Variants in NUP85 observed in about 807,000 individuals in gnomAD.
The protein encoded by NUP85 is nucleoporin 85, also known as nuclear pore complex protein Nup85.
Under a neutral mutation model 92.8 loss-of-function variants are expected in NUP85, and 23 were observed. The observed-to-expected ratio is 0.25, with a 90% CI of 0.18 to 0.35. The LOEUF is 0.35. Ranked by LOEUF, NUP85 falls within the 10% of genes least tolerant of loss-of-function variation. The pLI is 1.00. For synonymous variants in NUP85, 314 were observed against 306.9 expected (o/e 1.02, Z -0.24); for missense variants, 759 against 822.8 (o/e 0.92, Z 0.95).
chr17:75,235,189 C>G lies in NUP85; in HGVS notation c.1857C>G (p.Thr619=), dbSNP rs142085095. 2 of 1,612,612 alleles carry G rather than the reference C, an allele frequency of 1.2e-6. No individual in the cohort carries two copies. The highest frequency in any genetic ancestry group is 1.3e-5 in the African/African-American group (1 of 74,814). Residue 619 remains threonine (T), a synonymous_variant, in exon 18 of 19, where the codon ACC becomes ACG. Coordinates refer to ENST00000245544, the MANE Select transcript of NUP85 (RefSeq NM_024844.5). ...SRRPVHGESD[T]EQLQDDDIET... ...GACCTGTGCATGGAGAATCTGATAC[C>G]GAGCAGCTCCAGGTCATTTTCACTT...
rs1268932804 is a variant in NUP85 at position 75,225,436 on chromosome 17, C to G, written c.827C>G (p.Thr276Ser). 6.8e-6 allele frequency: 11 copies of G among 1,613,998 alleles called. No individual in the cohort carries two copies. In the South Asian group the frequency reaches 1.1e-4, roughly 16 times the overall value. The change falls in exon 9 of 19, where the codon ACC becomes AGC. Residue 276 changes from threonine to serine, a missense_variant. Coordinates refer to ENST00000245544, the MANE Select transcript of NUP85 (RefSeq NM_024844.5). ...ERYLQDSTFA[T>S]SPHLESLLKI... is the part of the protein sequence containing the mutation. ...TACCTCCAGGACAGCACATTCGCCACCAGCCCTCACCTGGAGTCTCTCTTG... is the reference window on the plus strand; with the variant it reads ...TACCTCCAGGACAGCACATTCGCCAGCAGCCCTCACCTGGAGTCTCTCTTG...
chr17:75,211,083 G>A lies in NUP85; in HGVS notation c.291-909G>A, dbSNP rs555178300. Reference sequence around the variant, plus strand: ...AGTGGCGCAATCTTGGCCCACTGCAGCCTCTGCCTCCTGGGTTGAAGCCAT... The same window carrying A: ...AGTGGCGCAATCTTGGCCCACTGCAACCTCTGCCTCCTGGGTTGAAGCCAT... On this transcript the variant is annotated intron_variant, in intron 3 of 18. Transcript: ENST00000245544. 1.3e-3 allele frequency among the ~76,000 whole-genome samples: 176 copies of A among 138,740 alleles called. 2 individuals are homozygous for A. Among genetic ancestry groups the A allele is most frequent in the South Asian group, 7.1e-4 (3 of 4,246 alleles). 91.0% of individuals were successfully genotyped at this position (138,740 alleles called of 152,430 possible).
intron 11 of NUP85, among the ~76,000 whole-genome samples, chr17:75,230,722 T>C (rs11077780): frequency 0.74 from 112,809 of 152,092 alleles, 42,365 homozygotes; most frequent in East Asian, 0.87. Flanking sequence ...TCACCTCACA[T>C]AGTGACCCTT....
chr17:75,207,602 C>T (rs966542144), intron 1 of NUP85, among the ~76,000 whole-genome samples: 1 of 151,974 alleles, frequency 6.6e-6, no homozygotes. Context: ...GCCTCAGTCT[C>T]CTGAGTAGCT....
chr17:75,234,646 G>T lies in NUP85; in HGVS notation c.1625G>T (p.Arg542Leu). 6.2e-7 allele frequency: 1 copy of T among 1,614,108 alleles called. No individual in the cohort carries two copies. ...TCTTGTTTCGCCATAGGAAAGTATC[G>T]CGAGTTCCACCGTATGTACGGGGAG... is the stretch of plus-strand genomic sequence containing the variant. ...SDRLTFLGKY[R>L]EFHRMYGEKR... Residue 542 changes from arginine to leucine, a missense_variant, in exon 17 of 19, where the codon CGC (arginine) becomes CTC (leucine). By Grantham distance (102) the Arg-to-Leu change is moderately radical (BLOSUM62 -2). Transcript: ENST00000245544.
intron 16 of NUP85, among the ~76,000 whole-genome samples, chr17:75,233,469 C>T (rs8076030): frequency 0.79 from 106,852 of 135,174 alleles, 42,286 homozygotes; most frequent in East Asian, 0.88. Context: ...GAATCTTACT[C>T]GCTCTGTGGC....
intron 17 of NUP85, 75 bp downstream of exon 17, chr17:75,234,863 T>TG: frequency 6.4e-7 from 1 of 1,558,502 alleles, no homozygotes; most frequent in Non-Finnish European, 8.8e-7. Flanking sequence ...CTGTTGCCGA[T>TG]GTGCGTGTTT....
intron 7 of NUP85, among the ~76,000 whole-genome samples, chr17:75,220,481 C>G (rs1170069691): frequency 2.6e-5 from 4 of 151,618 alleles, no homozygotes; most frequent in Admixed American, 2.6e-4. Context: ...TGCACAATCA[C>G]CAGTCACTGT....
chr17:75,230,832 A>G (rs903637459), intron 11 of NUP85, among the ~76,000 whole-genome samples: 2 of 151,994 alleles, frequency 1.3e-5, no homozygotes, highest in African/African-American at 4.8e-5. Flanking sequence ...AGGCATGAGA[A>G]TTGCTTGAAC....
chr17:75,230,053 T>TTC (rs1346466736), intron 11 of NUP85, among the ~76,000 whole-genome samples: 1 of 151,460 alleles, frequency 6.6e-6, no homozygotes, highest in African/African-American at 2.4e-5. Context: ...AATTTTTTTT[T>TTC]TTTTTTTGGA....
chr17:75,218,051 T>C lies in NUP85; in HGVS notation c.476-134T>C, dbSNP rs986923355. The C allele has an allele frequency of 1.4e-5, 15 of 1,096,274 alleles. No individual in the cohort carries two copies. In the African/African-American group the frequency reaches 1.4e-4, roughly 10 times the overall value. 67.9% of individuals were successfully genotyped at this position (1,096,274 alleles called of 1,614,324 possible). A position where few individuals can be genotyped will look rare whatever the true frequency, so the allele number is the denominator to read the frequency against. On this transcript the variant is annotated intron_variant, in intron 6 of 18. Transcript: ENST00000245544. ...TAGCACAGTCTGTCATTCAGGACCA[T>C]GTGTGTGACTGCTTAAAAGGGATAA...
chr17:75,216,768 G>T (rs903925440), intron 6 of NUP85, among the ~76,000 whole-genome samples: 36 of 152,180 alleles, frequency 2.4e-4, no homozygotes, highest in African/African-American at 8.2e-4. Flanking sequence ...AGAGTTGGTT[G>T]TTCAGAGGCC....
At chr17:75,225,309 G>A (rs1321390508) in intron 8 of NUP85, 33 bp from the exon 9 acceptor site, 2 of 1,613,892 alleles carry the variant, frequency 1.2e-6, no homozygotes, top group Non-Finnish European at 8.5e-7. Flanking sequence ...GGGTGTGGAT[G>A]GGATGACGTC....
At chr17:75,227,337 T>G (rs1295276954) in intron 11 of NUP85, among the ~76,000 whole-genome samples, 16 of 146,958 alleles carry the variant, frequency 1.1e-4, no homozygotes, top group Admixed American at 2.7e-4. Context: ...TTTTTTTTTT[T>G]TTTTTTTTTT....
At chr17:75,209,093 A>G (rs1354566142) in intron 2 of NUP85, among the ~76,000 whole-genome samples, 1 of 152,172 alleles carries the variant, frequency 6.6e-6, no homozygotes, top group Non-Finnish European at 1.5e-5. Context: ...AATAGTTTTC[A>G]TGAAAAATTT....
In NUP85 at chr17:75,212,475, T is replaced by G. The variant is rs1430193946; in HGVS notation, c.361+413T>G. On this transcript the variant is annotated intron_variant, in intron 4 of 18. Transcript: ENST00000245544. The stretch of plus-strand genomic sequence containing the variant: ...GTCAGCCACTGTGCCTGGAGTTTTT[T>G]TTTTTTTTTTTTTTTTTTTTTGAGA... Among the ~76,000 whole-genome samples, 9 of 3,412 alleles carry G rather than the reference T, an allele frequency of 2.6e-3. No homozygotes were observed. The Non-Finnish European group carries it at 0.1, about 38-fold the overall frequency. The allele number at this position is 3,412 out of a possible 152,430, so 2.2% of individuals were successfully genotyped here.
At chr17:75,213,741 A>G (rs186422763) in intron 5 of NUP85, among the ~76,000 whole-genome samples, 185 of 151,848 alleles carry the variant, frequency 1.2e-3, no homozygotes, top group African/African-American at 4.3e-3. Flanking sequence ...TTTTTGAAAG[A>G]CAGGGTCTCT....
chr17:75,234,303 C>T (rs1203082513), intron 16 of NUP85, among the ~76,000 whole-genome samples: 2 of 152,136 alleles, frequency 1.3e-5, no homozygotes, highest in Non-Finnish European at 2.9e-5. Flanking sequence ...CCACCTGACT[C>T]GGCCTCCCAA....
At position 75,232,899 on chromosome 17, in the gene NUP85, G is replaced by A. The variant is rs142787021; in HGVS notation, c.1445G>A (p.Arg482His). ...GCCATGAAAGCCGTCCGCAACAATC[G>A]CCTGGGTTCTGCCCTCTCTTGGAGC... ...ILAMKAVRNN[R>H]LGSALSWSIR... The change falls in exon 15 of 19, where the codon CGC becomes CAC. Residue 482 changes from arginine to histidine, a missense_variant. Physicochemically the swap from Arg to His is conservative, Grantham distance 29. Transcript: ENST00000245544. The A allele has an allele frequency of 2.1e-4, 341 of 1,614,104 alleles. No homozygotes were observed. Among genetic ancestry groups the A allele is most frequent in the Non-Finnish European group, 2.6e-4 (311 of 1,180,052 alleles).
Sources: allele counts gnomAD v4.1 joint callset (sites outside exome capture counted in the v4.1 genomes callset), GRCh38; gene constraint gnomAD v4.1.1; transcripts MANE v1.5; gene names NCBI Gene and HGNC (gene_info 2026-07-23, HGNC 2026-07-21).